Variants in ACO1 observed in about 807,000 individuals in gnomAD.
ACO1 encodes aconitase 1.
In ACO1, 78 loss-of-function variants were observed where a neutral mutation model predicts 105.1. That is an observed-to-expected ratio of 0.74 (90% CI 0.62 to 0.90). The LOEUF is 0.90. Ranked by LOEUF, ACO1 falls within the 40% of genes least tolerant of loss-of-function variation. The probability of loss-of-function intolerance (pLI) is 0.00; values close to 1 mark genes in which losing one functional copy is unlikely to be tolerated. For missense variants in ACO1, 965 were observed against 1,111.1 expected, an observed-to-expected ratio of 0.87 and a Z score of 1.87; for synonymous variants, 364 against 397.4, an observed-to-expected ratio of 0.92 and a Z score of 1.00.
intron 18 of ACO1, 54 bp downstream of exon 18, chr9:32,436,451 A>T (rs1234242002): frequency 2.5e-6 from 4 of 1,597,046 alleles, no homozygotes; most frequent in Admixed American, 1.7e-5. Context: ...GCCTTGGTGG[A>T]GGTTGGATAT....
At position 32,450,827 on chromosome 9, in the gene ACO1, T is replaced by A. The variant is rs1822750711; in HGVS notation, c.*716T>A. ...AATTTGAATGAAATGAAATCTATTT[T>A]CAGTGAAAACTTGTTGACTTTGAGT... On this transcript the variant is annotated 3_prime_UTR_variant, in exon 21 of 21. Transcript: ENST00000309951. 6.6e-6 allele frequency: 1 copy of A among 152,240 alleles called. No homozygotes were observed. The highest frequency in any genetic ancestry group is 6.5e-5 in the Admixed American group (1 of 15,284). 9.4% of individuals were successfully genotyped at this position (152,240 alleles called of 1,614,324 possible).
chr9:32,436,370 G>C lies in ACO1; in HGVS notation c.2220G>C (p.Gln740His), dbSNP rs770936793. 6.2e-7 allele frequency: 1 copy of C among 1,614,142 alleles called. No individual in the cohort carries two copies. The highest frequency in any genetic ancestry group is 2.2e-5 in the East Asian group (1 of 44,882). Residue 740 changes from glutamine to histidine, a missense_variant, in exon 18 of 21, where the codon CAG becomes CAC. Transcript: ENST00000309951. ...LNRFLNKQAPQTIHLPSGEIL... is the reference protein window; with the variant it reads ...LNRFLNKQAPHTIHLPSGEIL... ...GATTTTTGAACAAGCAGGCACCACA[G>C]ACTATCCATCTGCCTTCTGGGGAAA...
At chr9:32,415,326 T>C (rs1009326615) in intron 4 of ACO1, among the ~76,000 whole-genome samples, 2 of 152,228 alleles carry the variant, frequency 1.3e-5, no homozygotes, top group African/African-American at 2.4e-5. Context: ...CAAAGGTAGA[T>C]TGAATGGCCT....
At chr9:32,420,026 G>A (rs1369780509) in intron 7 of ACO1, among the ~76,000 whole-genome samples, 1 of 118,736 alleles carries the variant, frequency 8.4e-6, no homozygotes, top group Admixed American at 9.0e-5. Flanking sequence ...GAATACCATA[G>A]CTTATCACAA....
At chr9:32,412,256 G>A (rs1235145134) in intron 4 of ACO1, among the ~76,000 whole-genome samples, 2 of 152,148 alleles carry the variant, frequency 1.3e-5, no homozygotes, top group Non-Finnish European at 1.5e-5. Context: ...CTCAACGAGC[G>A]AGATGCTACA....
Position 32,407,364 on chromosome 9 carries a change from T to A in ACO1, c.201T>A (p.Asn67Lys), listed in dbSNP as rs1179339387. 6.2e-7 allele frequency: 1 copy of A among 1,614,068 alleles called. No individual in the cohort carries two copies. The highest frequency in any genetic ancestry group is 1.7e-5 in the Admixed American group (1 of 59,998). Residue 67 changes from asparagine (N) to lysine (K), a missense_variant, in exon 3 of 21, where the codon AAT (asparagine) becomes AAA (lysine). Coordinates refer to ENST00000309951, the MANE Select transcript of ACO1 (RefSeq NM_002197.3). The part of the protein sequence containing the change: ...KQDIENILHW[N>K]VTQHKNIEVP... The stretch of plus-strand genomic sequence containing the variant: ...ATATTGAAAATATTCTACATTGGAA[T>A]GTCACGCAGCACAAGAACATAGAAG...
Position 32,423,397 on chromosome 9 carries a change from C to A in ACO1, c.1049C>A (p.Ser350Tyr). ...ATGTTTCGAGATTTCAATGACCCTT[C>A]TCAAGACCCAGACTTCACCCAGGTA... ...VGMFRDFNDP[S>Y]QDPDFTQVVE... Residue 350 changes from serine (S) to tyrosine (Y), a missense_variant, in exon 9 of 21, where the codon TCT (serine) becomes TAT (tyrosine). Coordinates refer to ENST00000309951, the MANE Select transcript of ACO1 (RefSeq NM_002197.3). 1 of 1,601,450 alleles carries A rather than the reference C, an allele frequency of 6.2e-7. No homozygotes were observed. Among genetic ancestry groups the A allele is most frequent in the Non-Finnish European group, 8.5e-7 (1 of 1,174,776 alleles).
intron 15 of ACO1, among the ~76,000 whole-genome samples, chr9:32,433,113 T>C (rs957004279): frequency 1.3e-5 from 2 of 152,060 alleles, no homozygotes; most frequent in African/African-American, 4.8e-5. Context: ...TAATCTAATC[T>C]AGGAGATAGT....
chr9:32,448,157 C>T (rs1822663760), intron 19 of ACO1, among the ~76,000 whole-genome samples: 1 of 152,194 alleles, frequency 6.6e-6, no homozygotes, highest in African/African-American at 2.4e-5. Flanking sequence ...ACCCCTTCCC[C>T]TAGGTGCTCT....
At chr9:32,417,819 A>C (rs1821883876) in intron 4 of ACO1, among the ~76,000 whole-genome samples, 1 of 152,200 alleles carries the variant, frequency 6.6e-6, no homozygotes, top group African/African-American at 2.4e-5. Context: ...TTGTCATATG[A>C]ATGTCTTGAG....
intron 12 of ACO1, among the ~76,000 whole-genome samples, 190 bp from the exon 13 acceptor site, chr9:32,429,229 G>A (rs1822171144): frequency 6.6e-6 from 1 of 152,110 alleles, no homozygotes; most frequent in Non-Finnish European, 1.5e-5. Flanking sequence ...TTAAAAATAT[G>A]AATAGTATTC....
intron 2 of ACO1, among the ~76,000 whole-genome samples, chr9:32,406,753 T>G (rs1821619823): frequency 6.6e-6 from 1 of 152,236 alleles, no homozygotes; most frequent in African/African-American, 2.4e-5. Context: ...ATATTTTATT[T>G]TGGCCTTGTG....
At chr9:32,430,889 CTG>C (rs1284410698) in intron 14 of ACO1, among the ~76,000 whole-genome samples, 1 of 152,192 alleles carries the variant, frequency 6.6e-6, no homozygotes, top group Non-Finnish European at 1.5e-5. Flanking sequence ...AATATATACT[CTG>C]TAGAAACATA....
At chr9:32,436,117 A>G (rs775896695) in intron 17 of ACO1, 133 bp from the exon 18 acceptor site, 1 of 1,234,724 alleles carries the variant, frequency 8.1e-7, no homozygotes. Context: ...CATGGAGAAC[A>G]ATGCTTAGGA....
At chr9:32,401,784 C>A (rs1283623179) in intron 1 of ACO1, among the ~76,000 whole-genome samples, 1 of 152,190 alleles carries the variant, frequency 6.6e-6, no homozygotes, top group Non-Finnish European at 1.5e-5. Flanking sequence ...CCTGCCTTTG[C>A]ATAATATTTG....
chr9:32,403,803 CT>C (rs1296515500), intron 1 of ACO1, among the ~76,000 whole-genome samples: 1 of 152,040 alleles, frequency 6.6e-6, no homozygotes, highest in African/African-American at 2.4e-5. Flanking sequence ...ACCACTTCCC[CT>C]GCCTGCAGAG....
intron 19 of ACO1, among the ~76,000 whole-genome samples, chr9:32,443,049 A>AAAG (rs1554663772): frequency 6.6e-6 from 1 of 152,208 alleles, no homozygotes; most frequent in Non-Finnish European, 1.5e-5. Context: ...TCTAACTTAC[A>AAAG]AAGTCTTTTG....
intron 1 of ACO1, among the ~76,000 whole-genome samples, chr9:32,400,973 G>C (rs1821483143): frequency 6.7e-6 from 1 of 148,940 alleles, no homozygotes; most frequent in Non-Finnish European, 1.5e-5. Flanking sequence ...ACTTAAATCA[G>C]ATCCTAGTAT....
intron 4 of ACO1, among the ~76,000 whole-genome samples, chr9:32,416,676 A>G (rs1246653130): frequency 6.6e-6 from 1 of 152,102 alleles, no homozygotes; most frequent in Non-Finnish European, 1.5e-5. Flanking sequence ...CTTTTGCACC[A>G]TTGCATTTTC....
Sources: gnomAD v4.1 joint callset for allele counts (sites outside exome capture counted in the v4.1 genomes callset) on GRCh38, gnomAD v4.1.1 for gene constraint, MANE v1.5 for transcripts, NCBI Gene and HGNC (gene_info 2026-07-23, HGNC 2026-07-21) for gene names.